Variants in HOMER1 observed in about 807,000 individuals in gnomAD.
The protein encoded by HOMER1 is homer protein homolog 1.
In HOMER1, 3 loss-of-function variants were observed where a neutral mutation model predicts 48.9. The observed-to-expected ratio is 0.06, with a 90% CI of 0.03 to 0.16. The LOEUF is 0.16. Ranked by LOEUF, HOMER1 falls within the 10% of genes least tolerant of loss-of-function variation. HOMER1 has a pLI of 1.00. For synonymous variants in HOMER1, 134 were observed against 146.4 expected, an observed-to-expected ratio of 0.92 and a Z score of 0.61; for missense variants, 247 against 411.4, an observed-to-expected ratio of 0.60 and a Z score of 3.46.
intron 1 of HOMER1, among the ~76,000 whole-genome samples, chr5:79,489,675 A>G (rs1461278259): frequency 2.0e-5 from 3 of 152,214 alleles, no homozygotes; most frequent in Non-Finnish European, 4.4e-5. Flanking sequence ...CAGAATCTCT[A>G]AGGTTCTTTC....
intron 1 of HOMER1, among the ~76,000 whole-genome samples, chr5:79,477,907 G>A (rs890060540): frequency 6.6e-6 from 1 of 151,636 alleles, no homozygotes; most frequent in Non-Finnish European, 1.5e-5. Context: ...TCCTTGGTAA[G>A]AAATGTCAAT....
At chr5:79,394,624 C>T (rs1401283809) in intron 8 of HOMER1, among the ~76,000 whole-genome samples, 1 of 152,184 alleles carries the variant, frequency 6.6e-6, no homozygotes, top group East Asian at 1.9e-4. Context: ...GTCACCCAGG[C>T]TGGAGTGCAG....
intron 1 of HOMER1, among the ~76,000 whole-genome samples, chr5:79,485,689 G>T (rs1015212287): frequency 6.6e-6 from 1 of 152,188 alleles, no homozygotes; most frequent in Non-Finnish European, 1.5e-5. Context: ...CTATGAGAAA[G>T]AGAGCAAACA....
At chr5:79,447,289 A>G (rs942835045) in intron 3 of HOMER1, 144 bp from the exon 4 acceptor site, 12 of 600,364 alleles carry the variant, frequency 2.0e-5, no homozygotes, top group Non-Finnish European at 3.5e-5. Flanking sequence ...TTCTAATATG[A>G]AAATGACAGG....
At chr5:79,406,026 G>A (rs1227157629) in intron 5 of HOMER1, among the ~76,000 whole-genome samples, 2 of 152,150 alleles carry the variant, frequency 1.3e-5, no homozygotes, top group Admixed American at 6.5e-5. Context: ...TTAAGAAAAG[G>A]TTGGTATTCC....
At chr5:79,501,248 G>T (rs1286149441) in intron 1 of HOMER1, among the ~76,000 whole-genome samples, 2 of 152,306 alleles carry the variant, frequency 1.3e-5, no homozygotes, top group East Asian at 1.9e-4. Flanking sequence ...TGGGATTACA[G>T]GCGTGAGCCA....
Position 79,439,025 on chromosome 5 carries a change from A to G in HOMER1, c.512T>C (p.Leu171Ser). 2.5e-6 allele frequency: 4 copies of G among 1,613,660 alleles called. No homozygotes were observed. The highest frequency in any genetic ancestry group is 3.4e-6 in the Non-Finnish European group (4 of 1,179,622). The change falls in exon 5 of 9, where the codon TTG (leucine) becomes TCG (serine). Residue 171 changes from leucine to serine, a missense_variant. Physicochemically the swap from Leu to Ser is moderately radical, Grantham distance 145 (BLOSUM62 -2). Transcript: ENST00000334082. ...GAATCTGTACCTATGTGAAAATGGC[A>G]ATGCATTCTGAGTTGGTTCAGCCCT... ...EPRAEPTQNA[L>S]PFSHSSAISK...
chr5:79,501,513 G>A (rs907833564), intron 1 of HOMER1, among the ~76,000 whole-genome samples: 4 of 152,106 alleles, frequency 2.6e-5, no homozygotes, highest in Admixed American at 6.5e-5. Flanking sequence ...TGCATTATGC[G>A]AGACTTACTT....
chr5:79,382,210 G>A (rs1748999947), intron 8 of HOMER1, among the ~76,000 whole-genome samples: 1 of 152,156 alleles, frequency 6.6e-6, no homozygotes, highest in South Asian at 2.1e-4. Flanking sequence ...GGTTCCCGGA[G>A]GTGAAGAGAG....
In HOMER1 at chr5:79,459,534, TAA is replaced by T. The variant is rs557556194; in HGVS notation, c.6-2518_6-2517del. The stretch of plus-strand genomic sequence containing the variant: ...AGCCTGTACTTCAAAGTCTATATGA[TAA>T]AGACTAGGGAAATAATTTTCACTAC... On this transcript the variant is annotated intron_variant, in intron 1 of 8. Transcript: ENST00000334082. Among the ~76,000 whole-genome samples the T allele has an allele frequency of 3.8e-3, 572 of 152,280 alleles. 5 individuals are homozygous for T. The highest frequency in any genetic ancestry group is 0.013 in the African/African-American group (553 of 41,554).
At chr5:79,445,603 G>A (rs989648589) in intron 4 of HOMER1, among the ~76,000 whole-genome samples, 1 of 152,196 alleles carries the variant, frequency 6.6e-6, no homozygotes, top group Non-Finnish European at 1.5e-5. Context: ...TGTTCCAACT[G>A]TCAGATTTAA....
intron 5 of HOMER1, among the ~76,000 whole-genome samples, chr5:79,438,055 A>G (rs1561363829): frequency 7.0e-6 from 1 of 142,982 alleles, no homozygotes; most frequent in Non-Finnish European, 1.5e-5. Flanking sequence ...AGGGCATTTA[A>G]TCCAATGCCC....
At chr5:79,419,186 T>C (rs1750031138) in intron 5 of HOMER1, among the ~76,000 whole-genome samples, 1 of 152,204 alleles carries the variant, frequency 6.6e-6, no homozygotes, top group African/African-American at 2.4e-5. Flanking sequence ...ATTGTAGAGA[T>C]GGATGACTGC....
chr5:79,450,506 C>G (rs1413058547), intron 3 of HOMER1, among the ~76,000 whole-genome samples: 5 of 152,164 alleles, frequency 3.3e-5, no homozygotes, highest in African/African-American at 9.7e-5. Context: ...GTATCTCAGT[C>G]TGCACTGCAT....
chr5:79,472,177 G>A lies in HOMER1; in HGVS notation c.6-15159C>T, dbSNP rs377079014. Among the ~76,000 whole-genome samples, 28 of 152,186 alleles carry A rather than the reference G, an allele frequency of 1.8e-4. 1 individual carries two copies. Among genetic ancestry groups the A allele is most frequent in the Admixed American group, 7.2e-4 (11 of 15,286 alleles). On this transcript the variant is annotated intron_variant, in intron 1 of 8. Transcript: ENST00000334082. ...ATTTCTGGCACATATTAGATATTCA[G>A]AAAATAATAGTAAATGAATGAATGC...
chr5:79,510,926 G>C, intron 1 of HOMER1: 2 of 587,784 alleles, frequency 3.4e-6, no homozygotes, highest in South Asian at 4.9e-5. Context: ...GTGAGGACAG[G>C]ACTGGTGCGA....
chr5:79,418,469 G>C (rs1009451966), intron 5 of HOMER1, among the ~76,000 whole-genome samples: 1 of 147,882 alleles, frequency 6.8e-6, no homozygotes, highest in African/African-American at 2.6e-5. Context: ...AAAACAACAC[G>C]ACAGAAATCC....
intron 5 of HOMER1, among the ~76,000 whole-genome samples, chr5:79,404,373 T>A (rs545183892): frequency 6.6e-6 from 1 of 152,354 alleles, no homozygotes; most frequent in African/African-American, 2.4e-5. Flanking sequence ...AAGCATTTTA[T>A]AACTGCTTAC....
chr5:79,456,360 C>T (rs1389866324), intron 2 of HOMER1, among the ~76,000 whole-genome samples: 2 of 152,306 alleles, frequency 1.3e-5, no homozygotes, highest in East Asian at 1.9e-4. Flanking sequence ...GCAGTCCTTG[C>T]TCCTGTTACA....
Sources: gnomAD v4.1 joint callset for allele counts (sites outside exome capture counted in the v4.1 genomes callset) on GRCh38, gnomAD v4.1.1 for gene constraint, MANE v1.5 for transcripts, NCBI Gene and HGNC (gene_info 2026-07-23, HGNC 2026-07-21) for gene names.